SMR3A: variants seen among roughly 807,000 people sequenced by gnomAD.
The protein encoded by SMR3A is submaxillary gland androgen regulated protein 3A.
For synonymous variants in SMR3A, 48 were observed against 57.4 expected (o/e 0.84, Z 0.74); for missense variants, 188 against 163.0 (o/e 1.15, Z -0.84).
intron 1 of SMR3A, among the ~76,000 whole-genome samples, chr4:70,361,447 A>G (rs1277762086): frequency 6.6e-6 from 1 of 151,888 alleles, no homozygotes; most frequent in Non-Finnish European, 1.5e-5. Context: ...TGAATAAAAT[A>G]TCTGGACTCC....
At chr4:70,365,646 C>T (rs1284402611) in intron 2 of SMR3A, among the ~76,000 whole-genome samples, 2 of 152,008 alleles carry the variant, frequency 1.3e-5, no homozygotes, top group East Asian at 3.9e-4. Context: ...CTTTAGATCA[C>T]ATTTATCCCC....
At chr4:70,362,437 T>C (rs1732170228) in intron 2 of SMR3A, among the ~76,000 whole-genome samples, 1 of 151,840 alleles carries the variant, frequency 6.6e-6, no homozygotes, top group African/African-American at 2.4e-5. Context: ...GTCCCCATAC[T>C]CTAGCAATTA....
rs2109750022 is a variant in SMR3A, at chr4:70,360,780, C to A, written c.-77C>A. 6.6e-6 allele frequency: 1 copy of A among 151,954 alleles called. No individual in the cohort carries two copies. The highest frequency in any genetic ancestry group is 3.4e-3 in the Middle Eastern group (1 of 294). The allele number at this position is 151,954 out of a possible 1,614,324, so 9.4% of individuals were successfully genotyped here. ...CTTTTCACCTTTATTTTCTGTCTTT[C>A]AACTGGCAAGAGTCATTTTGACCAG... On this transcript the variant is annotated 5_prime_UTR_variant, in exon 1 of 3. Transcript: ENST00000226460.
chr4:70,363,618 A>G (rs1425598350), intron 2 of SMR3A, among the ~76,000 whole-genome samples: 3 of 151,954 alleles, frequency 2.0e-5, no homozygotes, highest in African/African-American at 7.2e-5. Context: ...TCTTCCTAAT[A>G]TAGTATTTTC....
rs1218469729 is a variant in SMR3A at position 70,366,513 on chromosome 4, G to A, written c.55-131G>A. On this transcript the variant is annotated intron_variant, in intron 2 of 2. Transcript: ENST00000226460. The stretch of plus-strand genomic sequence containing the variant: ...AAAAGGGCTCACCTGATAAGGTCAG[G>A]CCAGCATGTGCCAGCAGGGAGTAGA... 7.3e-6 allele frequency: 6 copies of A among 823,226 alleles called. No homozygotes were observed. In the African/African-American group the frequency reaches 8.6e-5, roughly 12 times the overall value. The allele number at this position is 823,226 out of a possible 1,614,324, so 51.0% of individuals were successfully genotyped here.
At chr4:70,361,336 T>A (rs1168047933) in intron 1 of SMR3A, among the ~76,000 whole-genome samples, 1 of 151,866 alleles carries the variant, frequency 6.6e-6, no homozygotes, top group African/African-American at 2.4e-5. Context: ...ATGTGCAGAG[T>A]TGACTGTCAG....
In SMR3A at chr4:70,367,028, A is replaced by G; in HGVS notation, c.*34A>G. ...AACTGCAACAGGTGCCACCACCCAC[A>G]AAAGACAACACTACCCTCGTAACTA... On this transcript the variant is annotated 3_prime_UTR_variant, in exon 3 of 3. Transcript: ENST00000226460. 1 of 1,560,326 alleles carries G rather than the reference A, an allele frequency of 6.4e-7. No homozygotes were observed. Among genetic ancestry groups the G allele is most frequent in the Non-Finnish European group, 8.8e-7 (1 of 1,134,408 alleles).
chr4:70,362,187 C>T lies in SMR3A; in HGVS notation c.54+18C>T, dbSNP rs371474818. Reference sequence around the variant, plus strand: ...GTTTCACAGTAAGTATCATTAATCACGATCACACATCTTTATACTTTCTCA... The same window carrying T: ...GTTTCACAGTAAGTATCATTAATCATGATCACACATCTTTATACTTTCTCA... On this transcript the variant is annotated intron_variant, in intron 2 of 2. Coordinates refer to ENST00000226460, the MANE Select transcript of SMR3A (RefSeq NM_012390.4). 33 of 1,611,450 alleles carry T rather than the reference C, an allele frequency of 2.0e-5. No homozygotes were observed. The African/African-American group carries it at 3.2e-4, about 16-fold the overall frequency.
At position 70,367,072 on chromosome 4, in the gene SMR3A, A is replaced by C. The variant is rs1328549465; in HGVS notation, c.*78A>C. On this transcript the variant is annotated 3_prime_UTR_variant, in exon 3 of 3. Transcript: ENST00000226460. ...GTAACTACTGCTTCTACTACCCAAA[A>C]ATAAGAATTTCAACACTACTTCCAA... is the stretch of plus-strand genomic sequence containing the variant. 7 of 1,263,144 alleles carry C rather than the reference A, an allele frequency of 5.5e-6. No homozygotes were observed. The East Asian group carries it at 1.2e-4, about 21-fold the overall frequency. The allele number at this position is 1,263,144 out of a possible 1,614,324, so 78.2% of individuals were successfully genotyped here.
chr4:70,361,984 T>A, intron 1 of SMR3A, 118 bp from the exon 2 acceptor site: 1 of 1,463,194 alleles, frequency 6.8e-7, no homozygotes, highest in Non-Finnish European at 9.1e-7. Context: ...TAGGCAAATT[T>A]CCTAAAAAGG....
At chr4:70,361,093 T>C (rs998499386) in intron 1 of SMR3A, among the ~76,000 whole-genome samples, 1 of 148,038 alleles carries the variant, frequency 6.8e-6, no homozygotes, top group Non-Finnish European at 1.5e-5. Flanking sequence ...TTAAAGTTCT[T>C]GAAACTTCAT....
At chr4:70,362,241 A>G in intron 2 of SMR3A, 72 bp downstream of exon 2, 1 of 1,604,542 alleles carries the variant, frequency 6.2e-7, no homozygotes, top group Non-Finnish European at 8.5e-7. Flanking sequence ...TTCTTTTTAC[A>G]TTAATGATGT....
At chr4:70,366,450 A>T (rs1211966640) in intron 2 of SMR3A, among the ~76,000 whole-genome samples, 194 bp from the exon 3 acceptor site, 1 of 151,928 alleles carries the variant, frequency 6.6e-6, no homozygotes, top group Non-Finnish European at 1.5e-5. Context: ...GCAGCTTCAA[A>T]TCTCTCTGAT....
chr4:70,364,149 A>G (rs1732209950), intron 2 of SMR3A, among the ~76,000 whole-genome samples: 2 of 152,196 alleles, frequency 1.3e-5, no homozygotes, highest in South Asian at 4.1e-4. Flanking sequence ...TTTGCAGGAA[A>G]GAGGTGAAAA....
intron 2 of SMR3A, 107 bp downstream of exon 2, chr4:70,362,276 T>C: frequency 1.3e-6 from 2 of 1,557,610 alleles, no homozygotes; most frequent in East Asian, 4.6e-5. Context: ...TATTAGTAAC[T>C]ATTAACCGTT....
chr4:70,362,132 G>T lies in SMR3A; in HGVS notation c.17G>T (p.Trp6Leu). 6.2e-7 allele frequency: 1 copy of T among 1,611,862 alleles called. No individual in the cohort carries two copies. The highest frequency in any genetic ancestry group is 8.5e-7 in the Non-Finnish European group (1 of 1,178,396). The change falls in exon 2 of 3, where the codon TGG (tryptophan) becomes TTG (leucine). Residue 6 changes from tryptophan to leucine, a missense_variant. Trp to Leu is a moderately conservative substitution (Grantham distance 61). Coordinates refer to ENST00000226460, the MANE Select transcript of SMR3A (RefSeq NM_012390.4). The part of the protein sequence containing the change: MKSLT[W>L]ILGLWALAAC... ...ACTGAAAGGATGAAATCACTGACTT[G>T]GATCTTGGGCCTTTGGGCTCTTGCA...
chr4:70,361,074 T>C lies in SMR3A; in HGVS notation c.-15+232T>C, dbSNP rs549838371. On this transcript the variant is annotated intron_variant, in intron 1 of 2. Transcript: ENST00000226460. ...CAAGTACACAATTGACTTTTCCCCTTGATGTTCCTTAAAGTTCTTGAAACT... is the reference window on the plus strand; with the variant it reads ...CAAGTACACAATTGACTTTTCCCCTCGATGTTCCTTAAAGTTCTTGAAACT... 2.4e-4 allele frequency among the ~76,000 whole-genome samples: 36 copies of C among 151,470 alleles called. 1 individual carries two copies. Among genetic ancestry groups the C allele is most frequent in the African/African-American group, 7.9e-4 (33 of 41,524 alleles).
At chr4:70,362,219 A>G (rs1262835937) in intron 2 of SMR3A, 50 bp downstream of exon 2, 3 of 1,607,514 alleles carry the variant, frequency 1.9e-6, no homozygotes, top group Non-Finnish European at 2.5e-6. Flanking sequence ...CTCATTAACC[A>G]TTACTTCAGA....
At chr4:70,364,700 G>T (rs1164966359) in intron 2 of SMR3A, among the ~76,000 whole-genome samples, 1 of 151,938 alleles carries the variant, frequency 6.6e-6, no homozygotes, top group Non-Finnish European at 1.5e-5. Context: ...GAGAGCTCAG[G>T]ATGAAGTGGA....
Sources: gnomAD v4.1 joint callset for allele counts (sites outside exome capture counted in the v4.1 genomes callset) on GRCh38, gnomAD v4.1.1 for gene constraint, MANE v1.5 for transcripts, NCBI Gene and HGNC (gene_info 2026-07-23, HGNC 2026-07-21) for gene names.